The following BAHCC1 variants were observed in gnomAD, a reference collection of about 807,000 sequenced individuals.
BAHCC1 encodes the protein BAH domain and coiled-coil containing 1.
BAHCC1 carries 43 observed loss-of-function variants against 88.2 expected under a neutral mutation model. That is an observed-to-expected ratio of 0.49 (90% CI 0.38 to 0.63). BAHCC1 has a LOEUF of 0.63. BAHCC1 is among the 20% of genes least tolerant of loss of function. BAHCC1 has a pLI of 0.00. For synonymous variants in BAHCC1, 1,510 were observed against 745.5 expected (o/e 2.03, Z -16.71); for missense variants, 3,023 against 1,654.8 (o/e 1.83, Z -14.34).
intron 2 of BAHCC1, among the ~76,000 whole-genome samples, chr17:81,400,239 TTTCTGCA>T (rs1208361974): frequency 6.6e-6 from 1 of 152,174 alleles, no homozygotes; most frequent in African/African-American, 2.4e-5. Context: ...GGAAACCTCT[TTTCTGCA>T]TTCTGCATTC....
At chr17:81,448,155 G>A (rs1010357086) in intron 11 of BAHCC1, among the ~76,000 whole-genome samples, 3 of 152,270 alleles carry the variant, frequency 2.0e-5, no homozygotes, top group South Asian at 2.1e-4. Context: ...ACAGGGGCTC[G>A]CGTCCTGGCA....
At chr17:81,446,234 G>A (rs1877124384) in intron 10 of BAHCC1, among the ~76,000 whole-genome samples, 1 of 152,240 alleles carries the variant, frequency 6.6e-6, no homozygotes, top group South Asian at 2.1e-4. Flanking sequence ...TTCACAGTCA[G>A]GAGATGGAGC....
intron 2 of BAHCC1, among the ~76,000 whole-genome samples, chr17:81,420,818 C>T (rs2064107852): frequency 6.6e-6 from 1 of 152,250 alleles, no homozygotes; most frequent in East Asian, 1.9e-4. Flanking sequence ...ACATCCTAAA[C>T]TCATGCTGCC....
At chr17:81,422,751 T>C in intron 2 of BAHCC1, 1 of 438,012 alleles carries the variant, frequency 2.3e-6, no homozygotes. Flanking sequence ...CCTGGAGAAA[T>C]CCCTTCTCCA....
At chr17:81,402,426 C>T (rs562113198) in intron 2 of BAHCC1, 2 of 152,294 alleles carry the variant, frequency 1.3e-5, no homozygotes, top group East Asian at 3.9e-4. Flanking sequence ...TATATATGAT[C>T]TAGTTTAGAG....
intron 2 of BAHCC1, among the ~76,000 whole-genome samples, chr17:81,424,376 T>C (rs2064149751): frequency 6.6e-6 from 1 of 152,202 alleles, no homozygotes; most frequent in Non-Finnish European, 1.5e-5. Context: ...TGAGAGGCCT[T>C]GGAGCTGCCC....
intron 2 of BAHCC1, chr17:81,412,994 CG>C: frequency 3.4e-6 from 1 of 292,714 alleles, no homozygotes. Flanking sequence ...CCTCACCTTG[CG>C]GGGGCAGTGG....
Position 81,465,920 on chromosome 17 carries a change from A to G in BAHCC1, c.*2103A>G, listed in dbSNP as rs2030680854. On this transcript the variant is annotated 3_prime_UTR_variant, in exon 28 of 28. Transcript: ENST00000675386. The stretch of plus-strand genomic sequence containing the variant: ...TCCTGCTTGAGGCTCGGGGATCAGA[A>G]CGATGTCAAGTGAAGAAAAATGCAC... The G allele has an allele frequency of 6.6e-6, 1 of 152,542 alleles. No homozygotes were observed. Among genetic ancestry groups the G allele is most frequent in the Non-Finnish European group, 1.5e-5 (1 of 68,058 alleles). The allele number at this position is 152,542 out of a possible 1,614,324, so 9.4% of individuals were successfully genotyped here. A position where few individuals can be genotyped will look rare whatever the true frequency, so the allele number is the denominator to read the frequency against.
In BAHCC1 at chr17:81,446,939, G is replaced by C. The variant is rs556797288; in HGVS notation, c.3164-97G>C. ...GCCCAGGGCCCTTCCGCACGGGCTT[G>C]GGTCTGAGGGTTCGAGGCCACTGTC... On this transcript the variant is annotated intron_variant, in intron 10 of 27. Transcript: ENST00000675386. The C allele has an allele frequency of 5.5e-5, 40 of 729,400 alleles. No individual in the cohort carries two copies. In the African/African-American group the frequency reaches 6.2e-4, roughly 11 times the overall value. The allele number at this position is 729,400 out of a possible 1,614,324, so 45.2% of individuals were successfully genotyped here.
intron 1 of BAHCC1, 133 bp downstream of exon 1, chr17:81,395,768 A>G (rs1456072229): frequency 2.7e-5 from 4 of 149,690 alleles, no homozygotes; most frequent in African/African-American, 9.8e-5. Context: ...TAAGAAGTAT[A>G]TATCTTCCCT....
chr17:81,428,924 C>G, intron 3 of BAHCC1, among the ~76,000 whole-genome samples: 1 of 152,242 alleles, frequency 6.6e-6, no homozygotes, highest in South Asian at 2.1e-4. Context: ...CGACGTGAGC[C>G]CCTGGCGTCT....
rs1555653703 is a variant in BAHCC1 at position 81,444,483 on chromosome 17, G to C, written c.2427G>C (p.Gly809=). Residue 809 remains glycine (G), a synonymous_variant, in exon 7 of 28, where the codon GGG becomes GGC. Transcript: ENST00000675386. ...HLMMQSGQLG[G]DPAPHTHPHP... is the part of the protein sequence containing the mutation. ...TGATGCAGAGCGGCCAGCTGGGCGG[G>C]GACCCAGCCCCCCACACCCACCCCC... The C allele has an allele frequency of 1.4e-6, 1 of 712,064 alleles. No individual in the cohort carries two copies. The highest frequency in any genetic ancestry group is 2.7e-5 in the East Asian group (1 of 37,468). 44.1% of individuals were successfully genotyped at this position (712,064 alleles called of 1,614,324 possible).
intron 3 of BAHCC1, among the ~76,000 whole-genome samples, chr17:81,431,072 ACAGCGTGGGGATCC>A (rs1178232049): frequency 1.6e-5 from 2 of 125,756 alleles, no homozygotes; most frequent in African/African-American, 6.2e-5. Flanking sequence ...GGTGGAGGGG[ACAGCGTGGGGATCC>A]CAGCGTGGGG....
rs376921426 is a variant in BAHCC1 at position 81,452,053 on chromosome 17, G to A, written c.4262G>A (p.Arg1421His). Residue 1421 changes from arginine (R) to histidine (H), a missense_variant, in exon 13 of 28, where the codon CGC becomes CAC. Physicochemically the swap from Arg to His is conservative, Grantham distance 29. Coordinates refer to ENST00000675386, the MANE Select transcript of BAHCC1 (RefSeq NM_001377448.1). ...GTGCGGCTGGCGGAGCTGCAGCGGC[G>A]CTACAAGGAGAAGCAGCGGGAGCTG... is the stretch of plus-strand genomic sequence containing the variant. The part of the protein sequence containing the change: ...MRVRLAELQR[R>H]YKEKQRELAR... 3.0e-5 allele frequency: 19 copies of A among 627,004 alleles called. No individual in the cohort carries two copies. Among genetic ancestry groups the A allele is most frequent in the South Asian group, 2.3e-4 (12 of 52,678 alleles). 38.8% of individuals were successfully genotyped at this position (627,004 alleles called of 1,614,324 possible).
rs187770066 is a variant in BAHCC1 at position 81,464,081 on chromosome 17, C to T, written c.*264C>T. Reference sequence around the variant, plus strand: ...GGTCCCCGGCCCGCCCCACCCACAGCGCCCTCCGTTTCCCGCACCGGCAGT... The same window carrying T: ...GGTCCCCGGCCCGCCCCACCCACAGTGCCCTCCGTTTCCCGCACCGGCAGT... On this transcript the variant is annotated 3_prime_UTR_variant, in exon 28 of 28. Coordinates refer to ENST00000675386, the MANE Select transcript of BAHCC1 (RefSeq NM_001377448.1). The T allele has an allele frequency of 1.1e-5, 6 of 556,910 alleles. No individual in the cohort carries two copies. The East Asian group carries it at 1.2e-4, about 11-fold the overall frequency. 34.5% of individuals were successfully genotyped at this position (556,910 alleles called of 1,614,324 possible). A position where few individuals can be genotyped will look rare whatever the true frequency, so the allele number is the denominator to read the frequency against.
Position 81,399,128 on chromosome 17 carries a change from A to AGGGT in BAHCC1, c.-206-405_-206-404insGGTG. 4.3e-6 allele frequency: 1 copy of AGGGT among 230,794 alleles called. No homozygotes were observed. Among genetic ancestry groups the AGGGT allele is most frequent in the Non-Finnish European group, 9.5e-6 (1 of 105,520 alleles). The allele number at this position is 230,794 out of a possible 1,614,324, so 14.3% of individuals were successfully genotyped here. On this transcript the variant is annotated intron_variant, in intron 1 of 27. Coordinates refer to ENST00000675386, the MANE Select transcript of BAHCC1 (RefSeq NM_001377448.1). The surrounding 1 kb of genome is among the most constrained non-coding windows in gnomAD (Gnocchi z 4.5). ...GGGGAGGGGAGAGGGTGTGCGTGTGAGTGTGTGTGTGTGTGTGTGTGTGTG... is the reference window on the plus strand; with the variant it reads ...GGGGAGGGGAGAGGGTGTGCGTGTGAGGGTGTGTGTGTGTGTGTGTGTGTGTGTG...
chr17:81,419,911 C>T (rs571371263), intron 2 of BAHCC1, among the ~76,000 whole-genome samples: 4 of 152,178 alleles, frequency 2.6e-5, no homozygotes, highest in South Asian at 4.1e-4. Context: ...CCGCCTCTCC[C>T]GGCTCCCGGG....
rs369911036 is a variant in BAHCC1 at position 81,442,123 on chromosome 17, C to T, written c.774C>T (p.Ala258=). ...ERHKLVLPVP[A]DGHCREGGPA... is the part of the protein sequence containing the mutation. ...ACAAGCTGGTGCTGCCCGTGCCAGC[C>T]GACGGGCACTGCAGGGAGGGCGGCC... is the stretch of plus-strand genomic sequence containing the variant. Residue 258 remains alanine, a synonymous_variant, in exon 5 of 28, where the codon GCC becomes GCT. Transcript: ENST00000675386. 123 of 679,188 alleles carry T rather than the reference C, an allele frequency of 1.8e-4. 1 individual carries two copies. Among genetic ancestry groups the T allele is most frequent in the South Asian group, 3.5e-4 (22 of 62,716 alleles). 42.1% of individuals were successfully genotyped at this position (679,188 alleles called of 1,614,324 possible).
In BAHCC1 at chr17:81,459,606, T is replaced by C. The variant is rs1555658575; in HGVS notation, c.5905+2T>C. 2 of 779,396 alleles carry C rather than the reference T, an allele frequency of 2.6e-6. No individual in the cohort carries two copies. Among genetic ancestry groups the C allele is most frequent in the Non-Finnish European group, 4.8e-6 (2 of 417,848 alleles). 48.3% of individuals were successfully genotyped at this position (779,396 alleles called of 1,614,324 possible). A position where few individuals can be genotyped will look rare whatever the true frequency, so the allele number is the denominator to read the frequency against. ...TGTACCCGGGCAACGTGGTCCGGGG[T>C]AAGTTGCACCCAAAGCGGGGGCTGG... is the stretch of plus-strand genomic sequence containing the variant. On this transcript the variant is annotated splice_donor_variant, in intron 23 of 27. Coordinates refer to ENST00000675386, the MANE Select transcript of BAHCC1 (RefSeq NM_001377448.1). LOFTEE classifies it high-confidence loss of function.
Sources: gnomAD v4.1 joint callset for allele counts (sites outside exome capture counted in the v4.1 genomes callset) on GRCh38, gnomAD v4.1.1 for gene constraint, Gnocchi (gnomAD v3.1) non-coding constraint, MANE v1.5 for transcripts, NCBI Gene and HGNC (gene_info 2026-07-23, HGNC 2026-07-21) for gene names.